Variants in SIK3 observed in about 807,000 individuals in gnomAD.
The protein encoded by SIK3 is SIK family kinase 3.
Under a neutral mutation model 144.2 loss-of-function variants are expected in SIK3, and 28 were observed. The observed-to-expected ratio is 0.19, with a 90% CI of 0.14 to 0.27. The LOEUF (loss-of-function observed/expected upper bound fraction) is 0.27. Among genes scored for constraint, SIK3 ranks in the 10% least tolerant of loss-of-function variants. The pLI is 1.00. For missense variants in SIK3, 1,319 were observed against 1,776.0 expected (o/e 0.74, Z 4.62); for synonymous variants, 686 against 676.3 (o/e 1.01, Z -0.22).
intron 1 of SIK3, among the ~76,000 whole-genome samples, chr11:117,013,911 G>GA (rs1565556646): frequency 3.5e-5 from 1 of 28,444 alleles, no homozygotes; most frequent in African/African-American, 7.8e-5. Context: ...GGGGGGGGGG[G>GA]GAGGGTGTGT....
intron 1 of SIK3, among the ~76,000 whole-genome samples, chr11:117,093,879 C>A (rs1331066363): frequency 6.6e-6 from 1 of 151,850 alleles, no homozygotes; most frequent in Non-Finnish European, 1.5e-5. Flanking sequence ...ATTCATGAAT[C>A]GTGCCCAAGG....
chr11:116,939,387 C>T (rs1397950472), intron 3 of SIK3, among the ~76,000 whole-genome samples: 1 of 152,214 alleles, frequency 6.6e-6, no homozygotes, highest in Non-Finnish European at 1.5e-5. Context: ...ACCTCGTGAT[C>T]CACCTGCCTC....
chr11:116,877,104 G>T, intron 6 of SIK3, 62 bp from the exon 7 acceptor site: 1 of 1,456,190 alleles, frequency 6.9e-7, no homozygotes, highest in Non-Finnish European at 9.6e-7. Flanking sequence ...GGGAGTAGAG[G>T]AACCAGGGGC....
chr11:116,918,410 C>T (rs1476637946), intron 4 of SIK3, among the ~76,000 whole-genome samples: 1 of 152,010 alleles, frequency 6.6e-6, no homozygotes, highest in Non-Finnish European at 1.5e-5. Flanking sequence ...CACAAGACCT[C>T]AAAGCAAAAG....
chr11:116,910,188 T>TA (rs1946263392), intron 4 of SIK3, among the ~76,000 whole-genome samples: 2 of 152,290 alleles, frequency 1.3e-5, no homozygotes, highest in South Asian at 4.1e-4. Context: ...AAAATTCATT[T>TA]TTGTCTATAA....
At chr11:117,075,024 CGA>C (rs924453045) in intron 1 of SIK3, among the ~76,000 whole-genome samples, 1 of 151,344 alleles carries the variant, frequency 6.6e-6, no homozygotes, top group Non-Finnish European at 1.5e-5. Context: ...ACATTAGATA[CGA>C]GAGTGAAAAA....
intron 1 of SIK3, among the ~76,000 whole-genome samples, chr11:117,031,268 A>T (rs897105151): frequency 2.6e-5 from 4 of 151,394 alleles, no homozygotes; most frequent in African/African-American, 4.9e-5. Context: ...ATTTTCTAAA[A>T]TTTTTTTTAG....
intron 1 of SIK3, among the ~76,000 whole-genome samples, chr11:117,029,447 AC>A (rs1197646107): frequency 1.3e-5 from 2 of 152,140 alleles, no homozygotes; most frequent in Non-Finnish European, 2.9e-5. Flanking sequence ...ACAGAGCCAG[AC>A]CCTGTCTCAA....
At chr11:117,027,215 C>T (rs1431965023) in intron 1 of SIK3, among the ~76,000 whole-genome samples, 1 of 152,186 alleles carries the variant, frequency 6.6e-6, no homozygotes, top group African/African-American at 2.4e-5. Flanking sequence ...ACACATTAGT[C>T]ATCTCTGCTC....
In SIK3 at chr11:116,859,340, T is replaced by C. The variant is rs1209853291; in HGVS notation, c.2690A>G (p.Asn897Ser). Residue 897 changes from asparagine to serine, a missense_variant, in exon 20 of 25, where the codon AAC becomes AGC. Around this residue, in one of 8 missense-constraint regions of SIK3, gnomAD observed 646 missense variants for 763.7 expected, o/e 0.85. Transcript: ENST00000445177. ...AGQMQMQHRT[N>S]LMATLSYGHR... ...CCCATAGCTGAGGGTGGCCATCAGGTTGGTACGGTGCTGCATCTGCATCTG... is the reference window on the plus strand; with the variant it reads ...CCCATAGCTGAGGGTGGCCATCAGGCTGGTACGGTGCTGCATCTGCATCTG... The C allele has an allele frequency of 1.2e-6, 2 of 1,613,986 alleles. No homozygotes were observed. Among genetic ancestry groups the C allele is most frequent in the African/African-American group, 2.7e-5 (2 of 74,920 alleles).
chr11:116,964,885 AAAT>A (rs60005446), intron 1 of SIK3, among the ~76,000 whole-genome samples: 3 of 150,956 alleles, frequency 2.0e-5, no homozygotes, highest in Admixed American at 6.6e-5. Context: ...TCCATCTCAA[AAAT>A]AATAATAATA....
intron 3 of SIK3, among the ~76,000 whole-genome samples, chr11:116,928,863 C>T (rs1337021579): frequency 6.6e-6 from 1 of 152,180 alleles, no homozygotes; most frequent in South Asian, 2.1e-4. Flanking sequence ...ACACACAAGG[C>T]TTTTGAAGCA....
At chr11:116,929,160 G>A (rs1947455100) in intron 3 of SIK3, among the ~76,000 whole-genome samples, 1 of 152,104 alleles carries the variant, frequency 6.6e-6, no homozygotes, top group South Asian at 2.1e-4. Flanking sequence ...TGTTTTAAGA[G>A]GCCATTTTCT....
intron 1 of SIK3, among the ~76,000 whole-genome samples, chr11:117,066,780 C>G (rs1029458578): frequency 6.6e-6 from 1 of 152,140 alleles, no homozygotes; most frequent in Non-Finnish European, 1.5e-5. Context: ...GTGGTCCTCC[C>G]ACTTTGGCCT....
intron 1 of SIK3, among the ~76,000 whole-genome samples, chr11:117,000,374 T>C (rs1401410445): frequency 2.0e-5 from 3 of 152,198 alleles, no homozygotes; most frequent in East Asian, 3.8e-4. Flanking sequence ...TTGTTAGAGT[T>C]TGTAAGTCAG....
chr11:116,909,455 AC>A (rs932439833), intron 4 of SIK3, among the ~76,000 whole-genome samples: 4 of 152,168 alleles, frequency 2.6e-5, no homozygotes, highest in African/African-American at 9.7e-5. Flanking sequence ...TAGTTTTTTG[AC>A]CTGAGTGCCA....
intron 17 of SIK3, 53 bp downstream of exon 17, chr11:116,862,149 A>C (rs1176773234): frequency 6.2e-7 from 1 of 1,613,042 alleles, no homozygotes; most frequent in Non-Finnish European, 8.5e-7. Flanking sequence ...CAGGCAAATC[A>C]GCCTGAAAGC....
At chr11:116,917,790 G>A (rs1946731621) in intron 4 of SIK3, among the ~76,000 whole-genome samples, 1 of 135,000 alleles carries the variant, frequency 7.4e-6, no homozygotes, top group Non-Finnish European at 1.6e-5. Context: ...GAAAGAAAAG[G>A]AGAGGACAAG....
intron 6 of SIK3, among the ~76,000 whole-genome samples, chr11:116,895,769 G>C (rs534952843): frequency 6.6e-6 from 1 of 152,232 alleles, no homozygotes; most frequent in African/African-American, 2.4e-5. Context: ...CACAGAAATA[G>C]GAAATGAAGC....
Sources: allele counts gnomAD v4.1 joint callset (sites outside exome capture counted in the v4.1 genomes callset), GRCh38; gene constraint gnomAD v4.1.1; regional missense constraint gnomAD v4.1.1; transcripts MANE v1.5; gene names NCBI Gene and HGNC (gene_info 2026-07-23, HGNC 2026-07-21).